Variants in IL26 observed in about 807,000 individuals in gnomAD.
IL26 encodes interleukin-26.
Under a neutral mutation model 21.7 loss-of-function variants are expected in IL26, and 23 were observed. The observed-to-expected ratio is 1.06, with a 90% confidence interval of 0.76 to 1.50. IL26 has a LOEUF of 1.50. IL26 is among the 40% of genes most tolerant of loss of function. The pLI is 0.00. For synonymous variants in IL26, 63 were observed against 67.8 expected, an observed-to-expected ratio of 0.93 and a Z score of 0.34; for missense variants, 204 against 196.0, an observed-to-expected ratio of 1.04 and a Z score of -0.24.
At chr12:68,209,241 G>C (rs1053639318) in intron 3 of IL26, among the ~76,000 whole-genome samples, 1 of 152,168 alleles carries the variant, frequency 6.6e-6, no homozygotes, top group Non-Finnish European at 1.5e-5. Context: ...GTTTGAGAGA[G>C]AAAGTGAGTC....
chr12:68,206,397 T>G (rs1260114158), intron 3 of IL26, among the ~76,000 whole-genome samples: 1 of 152,198 alleles, frequency 6.6e-6, no homozygotes. Context: ...GTGCCTTCTG[T>G]GTTTAATTCT....
At position 68,225,653 on chromosome 12, in the gene IL26, C is replaced by T. The variant is rs1443823731; in HGVS notation, c.104G>A (p.Arg35Lys). 6.2e-7 allele frequency: 1 copy of T among 1,614,054 alleles called. No individual in the cohort carries two copies. Among genetic ancestry groups the T allele is most frequent in the East Asian group, 2.2e-5 (1 of 44,870 alleles). ...QSSFTKSCYP[R>K]GTLSQAVDAL... ...GTCAACAGCTTGGGACAATGTTCCC[C>T]TTGGGTAACAACTTTTGGTGAAGGA... The change falls in exon 1 of 5, where the codon AGG becomes AAG. Residue 35 changes from arginine to lysine, a missense_variant. Transcript: ENST00000229134.
intron 3 of IL26, among the ~76,000 whole-genome samples, chr12:68,209,764 G>C (rs977759393): frequency 2.6e-5 from 4 of 152,140 alleles, no homozygotes; most frequent in Non-Finnish European, 4.4e-5. Flanking sequence ...CCAATAATTT[G>C]AGGAAAGGAG....
At chr12:68,214,155 C>T (rs1487862159) in intron 3 of IL26, among the ~76,000 whole-genome samples, 1 of 152,026 alleles carries the variant, frequency 6.6e-6, no homozygotes, top group East Asian at 1.9e-4. Context: ...CATGAGTTTT[C>T]GTAGTTTCCA....
chr12:68,205,367 C>T (rs559684405), intron 3 of IL26, among the ~76,000 whole-genome samples: 18 of 146,644 alleles, frequency 1.2e-4, no homozygotes, highest in South Asian at 2.2e-4. Flanking sequence ...TACAGTTGAC[C>T]GGAAGCCTTA....
rs1475557840 is a variant in IL26, at chr12:68,225,252, G to A, written c.260C>T (p.Ser87Phe). 1 of 1,609,894 alleles carries A rather than the reference G, an allele frequency of 6.2e-7. No individual in the cohort carries two copies. The highest frequency in any genetic ancestry group is 1.1e-5 in the South Asian group (1 of 89,746). Residue 87 changes from serine (S) to phenylalanine (F), a missense_variant, in exon 3 of 5, where the codon TCC (serine) becomes TTC (phenylalanine). Ser to Phe is a radical substitution (Grantham distance 155). Transcript: ENST00000229134. ...ACCAAAAACGTCTTCCATGAAGAAGGACAGAAGCTGTTCTTGAAATTGACA... is the reference window on the plus strand; with the variant it reads ...ACCAAAAACGTCTTCCATGAAGAAGAACAGAAGCTGTTCTTGAAATTGACA... ...KNCQFQEQLLSFFMEDVFGQL... is the reference protein window; with the variant it reads ...KNCQFQEQLLFFFMEDVFGQL...
intron 3 of IL26, among the ~76,000 whole-genome samples, chr12:68,212,280 T>C (rs1222308933): frequency 6.6e-6 from 1 of 152,208 alleles, no homozygotes; most frequent in Non-Finnish European, 1.5e-5. Context: ...TTCTGGTTAC[T>C]ATAGCTTTAT....
rs545784996 is a variant in IL26, at chr12:68,219,617, GA to G, written c.363+5531del. On this transcript the variant is annotated intron_variant, in intron 3 of 4. Transcript: ENST00000229134. ...TTAATAATCTCAGCTTCCAAATAAA[GA>G]AAAAAAAATTTCAAGTTAATGACCC... 3.1e-3 allele frequency among the ~76,000 whole-genome samples: 458 copies of G among 149,696 alleles called. 4 individuals are homozygous for G. The highest frequency in any genetic ancestry group is 2.4e-3 in the Non-Finnish European group (158 of 67,144).
intron 3 of IL26, among the ~76,000 whole-genome samples, chr12:68,205,492 GA>G (rs895228497): frequency 6.6e-6 from 1 of 152,114 alleles, no homozygotes; most frequent in African/African-American, 2.4e-5. Context: ...TCATAAGGAA[GA>G]GAAAATATAT....
chr12:68,204,374 A>G (rs967130535), intron 3 of IL26, among the ~76,000 whole-genome samples: 1 of 151,874 alleles, frequency 6.6e-6, no homozygotes, highest in African/African-American at 2.4e-5. Context: ...CGATCCACTG[A>G]CCTCATGATC....
chr12:68,205,474 T>A (rs540336181), intron 3 of IL26, among the ~76,000 whole-genome samples: 60 of 152,218 alleles, frequency 3.9e-4, no homozygotes, highest in African/African-American at 1.3e-3. Context: ...ACAATGTAAC[T>A]AAGAAAATCA....
chr12:68,216,019 G>C (rs542047090), intron 3 of IL26, among the ~76,000 whole-genome samples: 1 of 151,072 alleles, frequency 6.6e-6, no homozygotes, highest in Admixed American at 6.6e-5. Context: ...CTGGCCAGGC[G>C]TGGTGGCTCA....
In IL26 at chr12:68,225,243, A is replaced by G. The variant is rs765268935; in HGVS notation, c.269T>C (p.Met90Thr). Residue 90 changes from methionine to threonine, a missense_variant, in exon 3 of 5, where the codon ATG becomes ACG. Coordinates refer to ENST00000229134, the MANE Select transcript of IL26 (RefSeq NM_018402.2). ...TTGCAGTTGACCAAAAACGTCTTCC[A>G]TGAAGAAGGACAGAAGCTGTTCTTG... ...QFQEQLLSFF[M>T]EDVFGQLQLQ... The G allele has an allele frequency of 1.3e-5, 21 of 1,613,560 alleles. No individual in the cohort carries two copies. Among genetic ancestry groups the G allele is most frequent in the East Asian group, 2.2e-5 (1 of 44,890 alleles).
chr12:68,204,761 G>A (rs1868487685), intron 3 of IL26, among the ~76,000 whole-genome samples: 1 of 152,018 alleles, frequency 6.6e-6, no homozygotes, highest in Non-Finnish European at 1.5e-5. Flanking sequence ...CCGGTGCCTT[G>A]AGCACTGCTT....
chr12:68,224,692 A>G (rs1251654089), intron 3 of IL26, among the ~76,000 whole-genome samples: 4 of 131,460 alleles, frequency 3.0e-5, no homozygotes, highest in Non-Finnish European at 6.4e-5. Context: ...GTGGAGGAAG[A>G]GAAAGGGGAG....
At chr12:68,215,729 G>A (rs1447046518) in intron 3 of IL26, among the ~76,000 whole-genome samples, 2 of 152,076 alleles carry the variant, frequency 1.3e-5, no homozygotes, top group Admixed American at 6.5e-5. Context: ...GAGCAGTGGT[G>A]CAATCTTGAC....
intron 3 of IL26, among the ~76,000 whole-genome samples, chr12:68,212,943 G>C (rs1256924031): frequency 6.6e-6 from 1 of 152,082 alleles, no homozygotes; most frequent in Non-Finnish European, 1.5e-5. Flanking sequence ...TAAAAGTGGT[G>C]AAAGTGGTCA....
intron 3 of IL26, among the ~76,000 whole-genome samples, chr12:68,208,771 G>T (rs1379669085): frequency 2.0e-5 from 3 of 152,110 alleles, no homozygotes; most frequent in African/African-American, 7.2e-5. Flanking sequence ...AAAGTGCTCG[G>T]ATTACAGTGT....
chr12:68,205,201 A>G (rs1408757539), intron 3 of IL26, among the ~76,000 whole-genome samples: 1 of 152,146 alleles, frequency 6.6e-6, no homozygotes, highest in African/African-American at 2.4e-5. Context: ...AGCATACAGC[A>G]ATGCCTCTGC....
Sources: allele counts gnomAD v4.1 joint callset (sites outside exome capture counted in the v4.1 genomes callset), GRCh38; gene constraint gnomAD v4.1.1; transcripts MANE v1.5; gene names NCBI Gene and HGNC (gene_info 2026-07-23, HGNC 2026-07-21).